Variants in CFAP20DC observed in about 807,000 individuals in gnomAD.
CFAP20DC encodes protein CFAP20DC.
A neutral mutation model predicts 101.7 loss-of-function variants in CFAP20DC; 84 were observed. The ratio of observed to expected loss-of-function variants is 0.83; its 90% CI spans 0.69 to 0.99. The LOEUF is 0.99. Ranked by LOEUF, CFAP20DC falls within the 50% of genes least tolerant of loss-of-function variation. The probability of loss-of-function intolerance (pLI) is 0.00; values close to 1 mark genes in which losing one functional copy is unlikely to be tolerated. For missense variants in CFAP20DC, 1,007 were observed against 970.3 expected, an observed-to-expected ratio of 1.04 and a Z score of -0.50; for synonymous variants, 359 against 351.2, an observed-to-expected ratio of 1.02 and a Z score of -0.25.
At position 58,799,998 on chromosome 3, in the gene CFAP20DC, C is replaced by T. The variant is rs763626167; in HGVS notation, c.2237+6397G>A. On this transcript the variant is annotated intron_variant, in intron 15 of 16. Coordinates refer to ENST00000482387, the MANE Select transcript of CFAP20DC (RefSeq NM_001394063.1). This position sits in a 1 kb window ranked among gnomAD's most constrained non-coding sequence, Gnocchi z 4.9. ...GCAGCACTCCTAAGTGGGGACCAAG[C>T]CTGGAGTATCAGAGGGAAAGAGAAG... is the stretch of plus-strand genomic sequence containing the variant. Among the ~76,000 whole-genome samples the T allele has an allele frequency of 8.5e-5, 13 of 152,092 alleles. No homozygotes were observed. Among genetic ancestry groups the T allele is most frequent in the Non-Finnish European group, 1.6e-4 (11 of 68,026 alleles).
intron 14 of CFAP20DC, among the ~76,000 whole-genome samples, chr3:58,826,078 C>T (rs757912019): frequency 5.3e-5 from 8 of 152,144 alleles, no homozygotes; most frequent in Non-Finnish European, 1.2e-4. Context: ...TGTGTGAAGT[C>T]GTCAGGTAAA....
In CFAP20DC at chr3:58,869,905, G is replaced by C. The variant is rs1389184492; in HGVS notation, c.852+268C>G. Among the ~76,000 whole-genome samples, 1 of 152,174 alleles carries C rather than the reference G, an allele frequency of 6.6e-6. No individual in the cohort carries two copies. Among genetic ancestry groups the C allele is most frequent in the Non-Finnish European group, 1.5e-5 (1 of 68,026 alleles). The stretch of plus-strand genomic sequence containing the variant: ...CAGCAAAATGTGCTCACTTATATTT[G>C]CCTTTAAATTTTGTGAACATATTTA... On this transcript the variant is annotated intron_variant, in intron 8 of 16. Transcript: ENST00000482387. This position sits in a 1 kb window ranked among gnomAD's most constrained non-coding sequence, Gnocchi z 4.3.
At chr3:58,923,906 G>A (rs1368185906) in intron 5 of CFAP20DC, among the ~76,000 whole-genome samples, 1 of 152,116 alleles carries the variant, frequency 6.6e-6, no homozygotes, top group Non-Finnish European at 1.5e-5. Context: ...AGTTCAGTCA[G>A]ACTCTGCTCA....
At chr3:58,743,218 A>G (rs139319965) in intron 16 of CFAP20DC, among the ~76,000 whole-genome samples, 1 of 152,202 alleles carries the variant, frequency 6.6e-6, no homozygotes, top group South Asian at 2.1e-4. Context: ...CAGAGAGGAC[A>G]ACTGTCTAAG....
chr3:58,849,372 G>A lies in CFAP20DC; in HGVS notation c.1631C>T (p.Thr544Ile). 6.5e-7 allele frequency: 1 copy of A among 1,535,314 alleles called. No homozygotes were observed. The highest frequency in any genetic ancestry group is 8.7e-7 in the Non-Finnish European group (1 of 1,146,418). ...HSIQGSRGPT[T>I]GPSELTQLTL... ...TAACTGAGTTAACTCTGAAGGACCA[G>A]TTGTTGGGCCTCGAGAACCCTGGAT... is the stretch of plus-strand genomic sequence containing the variant. Residue 544 changes from threonine to isoleucine, a missense_variant, in exon 13 of 17, where the codon ACT becomes ATT. Transcript: ENST00000482387.
chr3:58,828,698 T>A (rs1286817928), intron 14 of CFAP20DC, among the ~76,000 whole-genome samples: 1 of 152,104 alleles, frequency 6.6e-6, no homozygotes, highest in Non-Finnish European at 1.5e-5. Flanking sequence ...TATTGGGTAC[T>A]ATGCTCAATA....
intron 5 of CFAP20DC, among the ~76,000 whole-genome samples, chr3:58,927,707 G>T (rs376416609): frequency 1.3e-5 from 2 of 152,196 alleles, no homozygotes; most frequent in African/African-American, 4.8e-5. Context: ...GTAGAAAGAA[G>T]TGAAGAGTGC....
At chr3:58,979,252 C>T (rs2092414444) in intron 4 of CFAP20DC, among the ~76,000 whole-genome samples, 1 of 152,208 alleles carries the variant, frequency 6.6e-6, no homozygotes, top group Admixed American at 6.5e-5. Flanking sequence ...ACCCATTAGC[C>T]TGTAGTACTT....
At chr3:58,939,060 G>T (rs1214067831) in intron 4 of CFAP20DC, among the ~76,000 whole-genome samples, 2 of 152,156 alleles carry the variant, frequency 1.3e-5, no homozygotes, top group Non-Finnish European at 2.9e-5. Context: ...ACATGGGGAG[G>T]GGGAGTGATA....
chr3:58,833,272 T>C (rs550651936), intron 13 of CFAP20DC, among the ~76,000 whole-genome samples: 39 of 152,316 alleles, frequency 2.6e-4, no homozygotes, highest in African/African-American at 8.9e-4. Flanking sequence ...CACAAGCAGC[T>C]TGGCACTGTG....
At chr3:58,806,346 C>T in intron 15 of CFAP20DC, 49 bp downstream of exon 15, 1 of 1,242,184 alleles carries the variant, frequency 8.1e-7, no homozygotes, top group South Asian at 1.3e-5. Flanking sequence ...GTACAATCTT[C>T]CAACTAAGTT....
At position 58,806,354 on chromosome 3, in the gene CFAP20DC, GT is replaced by G. The variant is rs59197884; in HGVS notation, c.2237+40del. ...GAAAAATGTACAATCTTCCAACTAA[GT>G]TTTTTTTTTTCTTAAATGTAGATTA... On this transcript the variant is annotated intron_variant, in intron 15 of 16. Coordinates refer to ENST00000482387, the MANE Select transcript of CFAP20DC (RefSeq NM_001394063.1). The G allele has an allele frequency of 4.4e-3, 4,859 of 1,112,138 alleles. 5 individuals carry two copies. Among genetic ancestry groups the G allele is most frequent in the Non-Finnish European group, 5.4e-3 (4,155 of 770,864 alleles). 68.9% of individuals were successfully genotyped at this position (1,112,138 alleles called of 1,614,324 possible). A position where few individuals can be genotyped will look rare whatever the true frequency, so the allele number is the denominator to read the frequency against.
chr3:58,948,565 G>T (rs2089669079), intron 4 of CFAP20DC, among the ~76,000 whole-genome samples: 1 of 152,084 alleles, frequency 6.6e-6, no homozygotes, highest in African/African-American at 2.4e-5. Flanking sequence ...TTGTCACTTG[G>T]TAGTAATGTT....
At chr3:58,935,095 G>A (rs1369122902) in intron 5 of CFAP20DC, among the ~76,000 whole-genome samples, 1 of 152,164 alleles carries the variant, frequency 6.6e-6, no homozygotes, top group Non-Finnish European at 1.5e-5. Flanking sequence ...CAAAATCAAT[G>A]TGCAAAAATC....
At chr3:59,046,193 A>G in intron 3 of CFAP20DC, 36 bp downstream of exon 3, 1 of 1,386,918 alleles carries the variant, frequency 7.2e-7, no homozygotes, top group South Asian at 1.3e-5. Context: ...CTTTGAGTAC[A>G]AAATGTTAAG....
intron 15 of CFAP20DC, among the ~76,000 whole-genome samples, chr3:58,766,003 A>G (rs1388404138): frequency 6.6e-6 from 1 of 152,198 alleles, no homozygotes; most frequent in African/African-American, 2.4e-5. Context: ...GATAGTCTAA[A>G]GCCCATATGT....
intron 14 of CFAP20DC, among the ~76,000 whole-genome samples, chr3:58,808,346 T>C (rs2074293333): frequency 6.6e-6 from 1 of 152,182 alleles, no homozygotes; most frequent in South Asian, 2.1e-4. Context: ...GGGAAGCCCA[T>C]CAGACTAACA....
chr3:59,003,499 C>G (rs2093361983), intron 4 of CFAP20DC, among the ~76,000 whole-genome samples: 1 of 152,154 alleles, frequency 6.6e-6, no homozygotes, highest in Admixed American at 6.5e-5. Context: ...AACCCAAAGT[C>G]AGATGTATGC....
chr3:58,773,990 C>CA (rs35821770), intron 15 of CFAP20DC, among the ~76,000 whole-genome samples: 11,239 of 151,762 alleles, frequency 0.074, 698 homozygotes, highest in East Asian at 0.35. Flanking sequence ...ATTTTCCTTT[C>CA]AAATTTTTTT....
Sources: gnomAD v4.1 joint callset for allele counts (sites outside exome capture counted in the v4.1 genomes callset) on GRCh38, gnomAD v4.1.1 for gene constraint, Gnocchi (gnomAD v3.1) non-coding constraint, MANE v1.5 for transcripts, NCBI Gene and HGNC (gene_info 2026-07-23, HGNC 2026-07-21) for gene names.